Variants in ZDHHC2 observed in about 807,000 individuals in gnomAD.
ZDHHC2 encodes the protein palmitoyltransferase ZDHHC2.
ZDHHC2 carries 51 observed loss-of-function variants against 55.6 expected under a neutral mutation model. The observed-to-expected ratio is 0.92, with a 90% CI of 0.73 to 1.16. ZDHHC2 has a LOEUF of 1.16. ZDHHC2 is among the 50% of genes most tolerant of loss of function. The pLI is 0.00. For synonymous variants in ZDHHC2, 199 were observed against 152.9 expected, an observed-to-expected ratio of 1.30 and a Z score of -2.22; for missense variants, 491 against 442.4, an observed-to-expected ratio of 1.11 and a Z score of -0.99.
chr8:17,191,043 C>T (rs950097481), intron 3 of ZDHHC2, among the ~76,000 whole-genome samples: 1 of 144,282 alleles, frequency 6.9e-6, no homozygotes, highest in Non-Finnish European at 1.5e-5. Flanking sequence ...CTCACTGCAA[C>T]CTCTGCCTTC....
At chr8:17,183,907 T>G (rs979316992) in intron 1 of ZDHHC2, among the ~76,000 whole-genome samples, 3 of 152,112 alleles carry the variant, frequency 2.0e-5, no homozygotes, top group African/African-American at 7.2e-5. Context: ...CTGAGCAATC[T>G]TAAAAATTTC....
At chr8:17,169,672 G>A (rs1462009665) in intron 1 of ZDHHC2, among the ~76,000 whole-genome samples, 1 of 152,134 alleles carries the variant, frequency 6.6e-6, no homozygotes. Context: ...TAAATGAAGA[G>A]CAAGGTTTCT....
intron 10 of ZDHHC2, among the ~76,000 whole-genome samples, chr8:17,214,241 T>C (rs1253913296): frequency 6.6e-6 from 1 of 152,206 alleles, no homozygotes; most frequent in Non-Finnish European, 1.5e-5. Context: ...CATTTCCACC[T>C]AAATTTTAAA....
intron 1 of ZDHHC2, among the ~76,000 whole-genome samples, chr8:17,181,111 G>T (rs1490174036): frequency 6.6e-6 from 1 of 152,146 alleles, no homozygotes; most frequent in African/African-American, 2.4e-5. Context: ...AGCTAACATG[G>T]TAATAGAAAT....
rs148294719 is a variant in ZDHHC2, at chr8:17,172,878, G to C, written c.131-11911G>C. Reference sequence around the variant, plus strand: ...CTGTTGCTCTAGGAACCCAGAGCCCGGTTCCTCCCCAAATTCTTGAAGTGG... The same window carrying C: ...CTGTTGCTCTAGGAACCCAGAGCCCCGTTCCTCCCCAAATTCTTGAAGTGG... On this transcript the variant is annotated intron_variant, in intron 1 of 12. Coordinates refer to ENST00000262096, the MANE Select transcript of ZDHHC2 (RefSeq NM_016353.5). Among the ~76,000 whole-genome samples, 520 of 152,226 alleles carry C rather than the reference G, an allele frequency of 3.4e-3. 3 individuals are homozygous for C. The highest frequency in any genetic ancestry group is 0.012 in the African/African-American group (492 of 41,516).
chr8:17,166,369 C>A (rs530192999), intron 1 of ZDHHC2, among the ~76,000 whole-genome samples: 1 of 152,012 alleles, frequency 6.6e-6, no homozygotes, highest in East Asian at 1.9e-4. Context: ...CTCATACAAC[C>A]GAAAGGATGA....
Position 17,203,862 on chromosome 8 carries a change from C to T in ZDHHC2, c.477-1793C>T, listed in dbSNP as rs897735420. ...CTCCCTTTGTTGCCAGGCTGGAGTG[C>T]AGTGGCGCAATCTCAGCTCACTGCA... On this transcript the variant is annotated intron_variant, in intron 6 of 12. Coordinates refer to ENST00000262096, the MANE Select transcript of ZDHHC2 (RefSeq NM_016353.5). Among the ~76,000 whole-genome samples, 11 of 144,820 alleles carry T rather than the reference C, an allele frequency of 7.6e-5. No individual in the cohort carries two copies. In the Admixed American group the frequency reaches 7.9e-4, roughly 10 times the overall value.
In ZDHHC2 at chr8:17,199,546, T is replaced by TCTTCTTC. The variant is rs1806566009; in HGVS notation, c.476+1133_476+1134insCTTCTTC. ...GTCTTCGTCTTCTGTCTTCGTCTTC[T>TCTTCTTC]GTCTTCGTCTTCGTCTTCTTCGTCT... On this transcript the variant is annotated intron_variant, in intron 6 of 12. Transcript: ENST00000262096. 8.3e-3 allele frequency among the ~76,000 whole-genome samples: 336 copies of TCTTCTTC among 40,568 alleles called. 21 individuals are homozygous for TCTTCTTC. The highest frequency in any genetic ancestry group is 0.023 in the African/African-American group (310 of 13,518). The allele number at this position is 40,568 out of a possible 152,430, so 26.6% of individuals were successfully genotyped here.
At chr8:17,173,430 C>T (rs1764362734) in intron 1 of ZDHHC2, among the ~76,000 whole-genome samples, 1 of 151,996 alleles carries the variant, frequency 6.6e-6, no homozygotes, top group South Asian at 2.1e-4. Context: ...CATCCCAGCA[C>T]TTTGGGAGGC....
At chr8:17,176,316 G>C (rs926891501) in intron 1 of ZDHHC2, among the ~76,000 whole-genome samples, 1 of 152,092 alleles carries the variant, frequency 6.6e-6, no homozygotes, top group Admixed American at 6.5e-5. Flanking sequence ...TGGAATTCAA[G>C]TTTTGCACCA....
In ZDHHC2 at chr8:17,215,268, T is replaced by C. The variant is rs1368583425; in HGVS notation, c.982T>C (p.Leu328=). 2 of 1,602,216 alleles carry C rather than the reference T, an allele frequency of 1.2e-6. No homozygotes were observed. Among genetic ancestry groups the C allele is most frequent in the East Asian group, 2.2e-5 (1 of 44,550 alleles). Residue 328 remains leucine (L), a synonymous_variant, in exon 11 of 13, where the codon TTG becomes CTG. Transcript: ENST00000262096. Reference sequence around the variant, plus strand: ...AAACCATCAGTTTCCTGCAAAGCCATTGAGAGAGTCCCAGAGCCACCTTCT... The same window carrying C: ...AAACCATCAGTTTCCTGCAAAGCCACTGAGAGAGTCCCAGAGCCACCTTCT... ...LENHQFPAKP[L]RESQSHLLTD...
chr8:17,162,173 G>A (rs190195409), intron 1 of ZDHHC2, among the ~76,000 whole-genome samples: 4 of 152,284 alleles, frequency 2.6e-5, no homozygotes, highest in African/African-American at 9.6e-5. Context: ...TTCTTTTGAT[G>A]TACTGGACAA....
intron 6 of ZDHHC2, among the ~76,000 whole-genome samples, chr8:17,201,745 C>T (rs1806787446): frequency 6.6e-6 from 1 of 151,582 alleles, no homozygotes; most frequent in African/African-American, 2.4e-5. Flanking sequence ...ATCCACCCGC[C>T]TCAGCCTCCC....
chr8:17,186,681 A>C (rs977942759), intron 3 of ZDHHC2, among the ~76,000 whole-genome samples: 1 of 152,190 alleles, frequency 6.6e-6, no homozygotes, highest in Non-Finnish European at 1.5e-5. Context: ...AGACATCAGG[A>C]TGGATGGATA....
rs10601402 is a variant in ZDHHC2, at chr8:17,190,951, C to CTT, written c.253-4526_253-4525dup. On this transcript the variant is annotated intron_variant, in intron 3 of 12. Transcript: ENST00000262096. ...TGTCAAATACTAGGTCTTATTCATT[C>CTT]TTTTTTTTTTTTTTTTTTTTTTTTT... Among the ~76,000 whole-genome samples, 62 of 52,778 alleles carry CTT rather than the reference C, an allele frequency of 1.2e-3. 6 individuals carry two copies. Among genetic ancestry groups the CTT allele is most frequent in the Non-Finnish European group, 1.2e-3 (35 of 29,434 alleles). The allele number at this position is 52,778 out of a possible 152,430, so 34.6% of individuals were successfully genotyped here. A position where few individuals can be genotyped will look rare whatever the true frequency, so the allele number is the denominator to read the frequency against.
intron 10 of ZDHHC2, among the ~76,000 whole-genome samples, chr8:17,214,110 G>T (rs1807523892): frequency 6.6e-6 from 1 of 152,024 alleles, no homozygotes; most frequent in African/African-American, 2.4e-5. Context: ...TTTGAATACT[G>T]TTACAATTAC....
chr8:17,210,408 T>C lies in ZDHHC2; in HGVS notation c.878T>C (p.Phe293Ser). ...TCTAGTCTAGGTGATGGCTGCTCCT[T>C]TCCAACTTGCCTTGTTAACCAGGAT... is the stretch of plus-strand genomic sequence containing the variant. ...IFSSLGDGCS[F>S]PTCLVNQDPE... is the part of the protein sequence containing the mutation. Residue 293 changes from phenylalanine (F) to serine (S), a missense_variant, in exon 10 of 13, where the codon TTT (phenylalanine) becomes TCT (serine). Coordinates refer to ENST00000262096, the MANE Select transcript of ZDHHC2 (RefSeq NM_016353.5). The C allele has an allele frequency of 6.2e-7, 1 of 1,613,506 alleles. No homozygotes were observed. The highest frequency in any genetic ancestry group is 8.5e-7 in the Non-Finnish European group (1 of 1,179,654).
intron 1 of ZDHHC2, among the ~76,000 whole-genome samples, chr8:17,177,099 T>C (rs1805176707): frequency 6.6e-6 from 1 of 152,174 alleles, no homozygotes; most frequent in African/African-American, 2.4e-5. Flanking sequence ...TTCAAGGGGT[T>C]CCCCTGGCCA....
At chr8:17,171,891 G>A (rs1789233099) in intron 1 of ZDHHC2, among the ~76,000 whole-genome samples, 1 of 151,450 alleles carries the variant, frequency 6.6e-6, no homozygotes, top group Non-Finnish European at 1.5e-5. Flanking sequence ...CACCTGAGTT[G>A]ACTCTCCTTT....
Sources: allele counts gnomAD v4.1 joint callset (sites outside exome capture counted in the v4.1 genomes callset), GRCh38; gene constraint gnomAD v4.1.1; transcripts MANE v1.5; gene names NCBI Gene and HGNC (gene_info 2026-07-23, HGNC 2026-07-21).